Variants in STK3 observed in about 807,000 individuals in gnomAD.
STK3 encodes the protein serine/threonine kinase 3, also known as serine/threonine-protein kinase 3.
Under a neutral mutation model 58.0 loss-of-function variants are expected in STK3, and 41 were observed. That is an observed-to-expected ratio of 0.71 (90% CI 0.55 to 0.92). STK3 has a LOEUF of 0.92. Ranked by LOEUF, STK3 falls within the 40% of genes least tolerant of loss-of-function variation. STK3 has a pLI of 0.00. For missense variants in STK3, 479 were observed against 602.7 expected, an observed-to-expected ratio of 0.79 and a Z score of 2.15; for synonymous variants, 170 against 191.0, an observed-to-expected ratio of 0.89 and a Z score of 0.91.
chr8:98,728,004 T>C (rs1827903876), intron 4 of STK3, among the ~76,000 whole-genome samples: 1 of 152,212 alleles, frequency 6.6e-6, no homozygotes, highest in Admixed American at 6.5e-5. Context: ...AGCTTACATG[T>C]AAGATTTTAT....
At chr8:98,910,082 C>T (rs1839070249) in intron 1 of STK3, among the ~76,000 whole-genome samples, 1 of 152,084 alleles carries the variant, frequency 6.6e-6, no homozygotes, top group Non-Finnish European at 1.5e-5. Context: ...TTGATTTGTC[C>T]TTCTGTGACT....
At chr8:98,653,842 T>C (rs1563852079) in intron 6 of STK3, among the ~76,000 whole-genome samples, 2 of 152,156 alleles carry the variant, frequency 1.3e-5, no homozygotes, top group Non-Finnish European at 2.9e-5. Flanking sequence ...CAATAATTAA[T>C]AGCTTACCAA....
intron 2 of STK3, among the ~76,000 whole-genome samples, chr8:98,374,427 T>C (rs1401033437): frequency 5.3e-5 from 8 of 152,232 alleles, no homozygotes. Flanking sequence ...CCAACCCATT[T>C]ATTCTACAAA....
At chr8:98,799,713 C>A (rs1833394858) in intron 1 of STK3, among the ~76,000 whole-genome samples, 1 of 152,160 alleles carries the variant, frequency 6.6e-6, no homozygotes, top group Admixed American at 6.5e-5. Context: ...ACAACTAATA[C>A]CCCTACTTAA....
At position 98,582,387 on chromosome 8, in the gene STK3, T is replaced by C. The variant is rs1009486765; in HGVS notation, c.823-2598A>G. On this transcript the variant is annotated intron_variant, in intron 7 of 10. Coordinates refer to ENST00000419617, the MANE Select transcript of STK3 (RefSeq NM_006281.4). ...TGCCATTCATGCATTTTTTAAGTTA[T>C]ATGTATTCAAATCATCCATTTTTCT... is the stretch of plus-strand genomic sequence containing the variant. Among the ~76,000 whole-genome samples, 19 of 152,106 alleles carry C rather than the reference T, an allele frequency of 1.2e-4. 1 individual carries two copies. The highest frequency in any genetic ancestry group is 5.2e-4 in the Admixed American group (8 of 15,272).
chr8:98,432,246 C>T (rs1368662055), intron 3 of STK3: 1 of 166,986 alleles, frequency 6.0e-6, no homozygotes, highest in Admixed American at 6.5e-5. Context: ...GACCTGTAAA[C>T]CTCCTTTAGG....
At chr8:98,466,810 C>T (rs1342729785) in intron 10 of STK3, among the ~76,000 whole-genome samples, 1 of 152,116 alleles carries the variant, frequency 6.6e-6, no homozygotes, top group African/African-American at 2.4e-5. Context: ...GATATTGTCT[C>T]CTCTGACCTG....
At chr8:98,793,826 A>C (rs1001169843) in intron 1 of STK3, among the ~76,000 whole-genome samples, 1 of 152,162 alleles carries the variant, frequency 6.6e-6, no homozygotes, top group South Asian at 2.1e-4. Context: ...TCAAAAAAAA[A>C]ACAAAATCAT....
chr8:98,727,909 C>G (rs971465657), intron 4 of STK3, among the ~76,000 whole-genome samples: 1 of 152,064 alleles, frequency 6.6e-6, no homozygotes, highest in Admixed American at 6.5e-5. Context: ...TTACCAAAAC[C>G]CTTTACAGAA....
chr8:98,427,879 A>C, intron 3 of STK3: 1 of 967,218 alleles, frequency 1.0e-6, no homozygotes, highest in Non-Finnish European at 1.5e-6. Context: ...ATGGGTAGGG[A>C]GAGGGGGCCC....
intron 10 of STK3, among the ~76,000 whole-genome samples, chr8:98,491,284 T>C (rs1200759355): frequency 6.6e-6 from 1 of 152,154 alleles, no homozygotes; most frequent in Non-Finnish European, 1.5e-5. Context: ...TTTAAAAAAA[T>C]GTTATTTCAA....
At chr8:98,529,084 C>A (rs1825955332) in intron 9 of STK3, among the ~76,000 whole-genome samples, 2 of 152,276 alleles carry the variant, frequency 1.3e-5, no homozygotes, top group African/African-American at 2.4e-5. Flanking sequence ...ATAGTCCTAG[C>A]ACAGTTGAAA....
intron 6 of STK3, among the ~76,000 whole-genome samples, chr8:98,683,163 G>A (rs2130906794): frequency 6.6e-6 from 1 of 151,760 alleles, no homozygotes; most frequent in African/African-American, 2.4e-5. Context: ...AGGAACTAAA[G>A]TGCCAAAAAA....
intron 3 of STK3, among the ~76,000 whole-genome samples, chr8:98,422,444 A>T (rs916587445): frequency 2.2e-4 from 34 of 151,992 alleles, no homozygotes; most frequent in Non-Finnish European, 3.8e-4. Context: ...GCTACTGTAA[A>T]GCCACCCAGA....
At chr8:98,911,484 C>A (rs567898575) in intron 1 of STK3, among the ~76,000 whole-genome samples, 2 of 152,108 alleles carry the variant, frequency 1.3e-5, no homozygotes, top group Non-Finnish European at 2.9e-5. Context: ...ACCTCTGACC[C>A]CAGATTCAAG....
chr8:98,428,615 C>A lies in STK3; in HGVS notation n.483+5512G>T. 6.2e-7 allele frequency: 1 copy of A among 1,614,190 alleles called. No homozygotes were observed. The highest frequency in any genetic ancestry group is 8.5e-7 in the Non-Finnish European group (1 of 1,180,044). On this transcript the variant is annotated intron_variant and non_coding_transcript_variant, in intron 3 of 3. Coordinates refer to the STK3 transcript ENST00000517832. This position sits in a 1 kb window ranked among gnomAD's most constrained non-coding sequence, Gnocchi z 6.7. ...TGTGCCTCAATAGCCTGCCCGATTTCCAAATCCCTGACAGCCAGGGCAACC... is the reference window on the plus strand; with the variant it reads ...TGTGCCTCAATAGCCTGCCCGATTTACAAATCCCTGACAGCCAGGGCAACC...
At chr8:98,809,400 G>A (rs1280779722) in intron 1 of STK3, among the ~76,000 whole-genome samples, 12 of 152,220 alleles carry the variant, frequency 7.9e-5, no homozygotes, top group Admixed American at 2.0e-4. Flanking sequence ...ACTGAGAGCT[G>A]TAGGGAGAAA....
chr8:98,840,701 T>A (rs1245416904), intron 3 of STK3, among the ~76,000 whole-genome samples: 1 of 150,656 alleles, frequency 6.6e-6, no homozygotes, highest in East Asian at 1.9e-4. Flanking sequence ...ATTAATTGCC[T>A]ATTGCCGAAT....
chr8:98,544,625 G>T lies in STK3; in HGVS notation c.1141+3344C>A, dbSNP rs1300092752. On this transcript the variant is annotated intron_variant, in intron 9 of 10. Transcript: ENST00000419617. The stretch of plus-strand genomic sequence containing the variant: ...CCTGAAAGTTCTCTTAGCTTCCAGA[G>T]CTATGTATCTTTAATTCTACTATAA... Among the ~76,000 whole-genome samples the T allele has an allele frequency of 2.0e-5, 3 of 148,606 alleles. No individual in the cohort carries two copies. The East Asian group carries it at 6.0e-4, about 30-fold the overall frequency.
Sources: allele counts gnomAD v4.1 joint callset (sites outside exome capture counted in the v4.1 genomes callset), GRCh38; gene constraint gnomAD v4.1.1; non-coding constraint Gnocchi (gnomAD v3.1); transcripts MANE v1.5; gene names NCBI Gene and HGNC (gene_info 2026-07-23, HGNC 2026-07-21).